The following WDR86 variants were observed in gnomAD, a reference collection of about 807,000 sequenced individuals.
WDR86 encodes the protein WD repeat-containing protein 86.
A neutral mutation model predicts 36.5 loss-of-function variants in WDR86; 30 were observed. The observed-to-expected ratio is 0.82, with a 90% CI of 0.61 to 1.11. WDR86 has a LOEUF of 1.11. WDR86 is among the 50% of genes most tolerant of loss of function. The pLI, the probability that WDR86 is intolerant of heterozygous loss-of-function variation, is 0.00. For missense variants in WDR86, 545 were observed against 561.2 expected (o/e 0.97, Z 0.29); for synonymous variants, 255 against 252.9 (o/e 1.01, Z -0.08).
downstream of WDR86, among the ~76,000 whole-genome samples, chr7:151,375,693 C>G (rs1563032373): frequency 6.6e-6 from 1 of 152,240 alleles, no homozygotes; most frequent in Non-Finnish European, 1.5e-5. Context: ...TGGCTGGAAG[C>G]CTTCTGTGAA....
In WDR86 at chr7:151,385,247, C is replaced by T. The variant is rs771724818; in HGVS notation, c.727-24G>A. On this transcript the variant is annotated intron_variant, in intron 3 of 5. Coordinates refer to ENST00000334493, the MANE Select transcript of WDR86 (RefSeq NM_198285.3). The stretch of plus-strand genomic sequence containing the variant: ...AGCTGCGAGGAGGAGCAGGGAAGGT[C>T]GGCAGCTGGGGCAGCTCTGAAGCCC... 12 of 1,608,298 alleles carry T rather than the reference C, an allele frequency of 7.5e-6. No homozygotes were observed. The East Asian group carries it at 1.6e-4, about 21-fold the overall frequency.
intron 3 of WDR86, among the ~76,000 whole-genome samples, chr7:151,392,722 A>G (rs1799525429): frequency 6.6e-6 from 1 of 152,182 alleles, no homozygotes; most frequent in Admixed American, 6.5e-5. Flanking sequence ...TGCACCCTGC[A>G]CACTGCGGGG....
chr7:151,390,276 A>G lies in WDR86; in HGVS notation c.727-5053T>C, dbSNP rs1039527277. ...CTCCCCGTGAAAACAGACCAAGCCC[A>G]GAGCTCACTGCACACCCCCCACATC... On this transcript the variant is annotated intron_variant, in intron 3 of 5. Transcript: ENST00000334493. This position sits in a 1 kb window ranked among gnomAD's most constrained non-coding sequence, Gnocchi z 4.5. Among the ~76,000 whole-genome samples, 1 of 152,140 alleles carries G rather than the reference A, an allele frequency of 6.6e-6. No homozygotes were observed. Among genetic ancestry groups the G allele is most frequent in the Non-Finnish European group, 1.5e-5 (1 of 68,016 alleles).
chr7:151,377,074 A>AGGAGG, downstream of WDR86: 2 of 1,568,934 alleles, frequency 1.3e-6, no homozygotes, highest in Non-Finnish European at 1.7e-6. Context: ...ACAGACGAAG[A>AGGAGG]CATGGAGACA....
At chr7:151,380,401 A>AGGGCTGCTCCACTTGAAG (rs143448152), downstream of WDR86, among the ~76,000 whole-genome samples, 14 of 152,002 alleles carry the variant, frequency 9.2e-5, no homozygotes, top group South Asian at 1.0e-3. Context: ...TCTACCTGAA[A>AGGGCTGCTCCACTTGAAG]GGGCTGCTCC....
chr7:151,409,942 C>T lies in WDR86; in HGVS notation c.-353G>A, dbSNP rs1801092494. 2 of 1,049,948 alleles carry T rather than the reference C, an allele frequency of 1.9e-6. No individual in the cohort carries two copies. Among genetic ancestry groups the T allele is most frequent in the Non-Finnish European group, 2.3e-6 (2 of 872,516 alleles). The allele number at this position is 1,049,948 out of a possible 1,614,324, so 65.0% of individuals were successfully genotyped here. A position where few individuals can be genotyped will look rare whatever the true frequency, so the allele number is the denominator to read the frequency against. On this transcript the variant is annotated 5_prime_UTR_variant, in exon 1 of 6. Coordinates refer to ENST00000334493, the MANE Select transcript of WDR86 (RefSeq NM_198285.3). The surrounding 1 kb of genome is among the most constrained non-coding windows in gnomAD (Gnocchi z 5.2). ...TGCGTCTCTGGTGCACAAGGAGCCC[C>T]CCGCCTCCTCTCGCGCCCACGGGGC...
intron 4 of WDR86, 61 bp from the exon 5 acceptor site, chr7:151,382,042 G>T: frequency 6.8e-7 from 1 of 1,480,174 alleles, no homozygotes; most frequent in South Asian, 1.2e-5. Context: ...AAGCAGGGAT[G>T]GGGCGGCGAG....
the WDR86 span, chr7:151,368,979 T>C: frequency 7.7e-7 from 1 of 1,297,266 alleles, no homozygotes; most frequent in African/African-American, 1.5e-5. Context: ...AACTCTTTAT[T>C]ACTCCAGATT....
At chr7:151,376,464 C>T (rs983165175), downstream of WDR86, 3 of 638,604 alleles carry the variant, frequency 4.7e-6, no homozygotes, top group African/African-American at 5.5e-5. Context: ...AGCCCCCTTC[C>T]AGGTTGCTCT....
At chr7:151,377,989 C>A (rs1291727911), downstream of WDR86, 1 of 152,190 alleles carries the variant, frequency 6.6e-6, no homozygotes, top group African/African-American at 2.4e-5. Flanking sequence ...AGACTCTGTG[C>A]TGTCATACTG....
Position 151,385,186 on chromosome 7 carries a change from C to G in WDR86, c.764G>C (p.Arg255Thr), listed in dbSNP as rs747834884. 9 of 1,612,826 alleles carry G rather than the reference C, an allele frequency of 5.6e-6. No individual in the cohort carries two copies. In the Admixed American group the frequency reaches 1.5e-4, roughly 27 times the overall value. Reference protein sequence around the residue: ...NRLVYSGSADRTVKCWLADTG... With the variant: ...NRLVYSGSADTTVKCWLADTG... ...GTCTGCCAGCCAGCACTTGACGGTC[C>G]TGTCCGCGCTGCCAGAGTACACGAG... Residue 255 changes from arginine to threonine, a missense_variant, in exon 4 of 6, where the codon AGG becomes ACG. By Grantham distance (71) the Arg-to-Thr change is moderately conservative (BLOSUM62 -1). Transcript: ENST00000334493.
At position 151,390,999 on chromosome 7, in the gene WDR86, A is replaced by G. The variant is rs963260876; in HGVS notation, c.726+4777T>C. ...AACACTGAACGTGCTTCACGCCCTGAGTAAATGCTGAAAATGGTTTAAAGG... is the reference window on the plus strand; with the variant it reads ...AACACTGAACGTGCTTCACGCCCTGGGTAAATGCTGAAAATGGTTTAAAGG... On this transcript the variant is annotated intron_variant, in intron 3 of 5. Coordinates refer to ENST00000334493, the MANE Select transcript of WDR86 (RefSeq NM_198285.3). This position sits in a 1 kb window ranked among gnomAD's most constrained non-coding sequence, Gnocchi z 4.5. 6.6e-6 allele frequency among the ~76,000 whole-genome samples: 1 copy of G among 152,234 alleles called. No individual in the cohort carries two copies. The highest frequency in any genetic ancestry group is 1.5e-5 in the Non-Finnish European group (1 of 68,042).
downstream of WDR86, chr7:151,376,984 T>C (rs1798322072): frequency 1.4e-6 from 2 of 1,443,824 alleles, no homozygotes; most frequent in Non-Finnish European, 1.9e-6. Flanking sequence ...TTGACTGTGG[T>C]CGTGCAGTGT....
intron 3 of WDR86, among the ~76,000 whole-genome samples, chr7:151,387,751 A>G (rs940364383): frequency 3.3e-5 from 5 of 152,148 alleles, no homozygotes; most frequent in Admixed American, 2.0e-4. Flanking sequence ...ACCCTCCAAG[A>G]TACTCCTCCC....
chr7:151,409,850 G>A lies in WDR86; in HGVS notation c.-261C>T, dbSNP rs565863879. 27 of 1,216,560 alleles carry A rather than the reference G, an allele frequency of 2.2e-5. No homozygotes were observed. The highest frequency in any genetic ancestry group is 4.4e-5 in the Admixed American group (1 of 22,710). 75.4% of individuals were successfully genotyped at this position (1,216,560 alleles called of 1,614,324 possible). A position where few individuals can be genotyped will look rare whatever the true frequency, so the allele number is the denominator to read the frequency against. On this transcript the variant is annotated 5_prime_UTR_variant, in exon 1 of 6. Coordinates refer to ENST00000334493, the MANE Select transcript of WDR86 (RefSeq NM_198285.3). The surrounding 1 kb of genome is among the most constrained non-coding windows in gnomAD (Gnocchi z 5.2). ...GCCCTGGGTAGAGTCCTGGGCGCGC[G>A]GGCAGAGAGAACCCCCTTCCCAGCA... is the stretch of plus-strand genomic sequence containing the variant.
rs1801075933 is a variant in WDR86 at position 151,409,812 on chromosome 7, A to C, written c.-223T>G. On this transcript the variant is annotated 5_prime_UTR_variant, in exon 1 of 6. Coordinates refer to ENST00000334493, the MANE Select transcript of WDR86 (RefSeq NM_198285.3). This position sits in a 1 kb window ranked among gnomAD's most constrained non-coding sequence, Gnocchi z 5.2. ...CCCAGGGCGCTGCGGGGGGCGGCCC[A>C]CTCGGGACCTCCGCCCTGGGTAGAG... 4.0e-6 allele frequency: 5 copies of C among 1,258,384 alleles called. No individual in the cohort carries two copies. In the South Asian group the frequency reaches 1.6e-4, roughly 39 times the overall value. The allele number at this position is 1,258,384 out of a possible 1,614,324, so 78.0% of individuals were successfully genotyped here.
intron 4 of WDR86, among the ~76,000 whole-genome samples, chr7:151,383,263 C>T (rs1377186492): frequency 2.0e-5 from 3 of 151,856 alleles, no homozygotes; most frequent in Admixed American, 6.6e-5. Flanking sequence ...ATCATGAGAT[C>T]AGGGGTTTGA....
downstream of WDR86, chr7:151,374,193 G>C (rs1204731640): frequency 2.5e-6 from 4 of 1,572,414 alleles, no homozygotes. Context: ...CACGCACGCG[G>C]CCCAGCAGGT....
At chr7:151,402,070 A>AAAAAAATAT in intron 1 of WDR86, among the ~76,000 whole-genome samples, 15 of 50,528 alleles carry the variant, frequency 3.0e-4, no homozygotes, top group East Asian at 2.5e-3. Flanking sequence ...AAAAAAAAAA[A>AAAAAAATAT]ATATATATAT....
Sources: gnomAD v4.1 joint callset for allele counts (sites outside exome capture counted in the v4.1 genomes callset) on GRCh38, gnomAD v4.1.1 for gene constraint, Gnocchi (gnomAD v3.1) non-coding constraint, MANE v1.5 for transcripts, NCBI Gene and HGNC (gene_info 2026-07-23, HGNC 2026-07-21) for gene names.